Variants in CSE1L observed in about 807,000 individuals in gnomAD.
The protein encoded by CSE1L is chromosome segregation 1 like.
CSE1L carries 24 observed loss-of-function variants against 120.4 expected under a neutral mutation model. The observed-to-expected ratio is 0.20, with a 90% CI of 0.14 to 0.28. The LOEUF is 0.28. Among genes scored for constraint, CSE1L ranks in the 10% least tolerant of loss-of-function variants. The pLI, the probability that CSE1L is intolerant of heterozygous loss-of-function variation, is 1.00. For synonymous variants in CSE1L, 402 were observed against 398.3 expected, an observed-to-expected ratio of 1.01 and a Z score of -0.11; for missense variants, 830 against 1,145.2, an observed-to-expected ratio of 0.72 and a Z score of 3.97.
At position 49,085,301 on chromosome 20, in the gene CSE1L, C is replaced by T. The variant is rs368726403; in HGVS notation, c.1638C>T (p.Ile546=). ...NNATLFTAAE[I]APFVEILLTN... ...TCTATAGCTTTACAGCTGCAGAAATCGCACCGTTTGTTGAGATTCTGCTAA... is the reference window on the plus strand; with the variant it reads ...TCTATAGCTTTACAGCTGCAGAAATTGCACCGTTTGTTGAGATTCTGCTAA... Residue 546 remains isoleucine (I), a synonymous_variant, in exon 16 of 25, where the codon ATC becomes ATT. Coordinates refer to ENST00000262982, the MANE Select transcript of CSE1L (RefSeq NM_001316.4). 19 of 1,613,744 alleles carry T rather than the reference C, an allele frequency of 1.2e-5. No homozygotes were observed. The highest frequency in any genetic ancestry group is 3.3e-4 in the Middle Eastern group (2 of 6,062).
chr20:49,071,759 G>A (rs932793975), intron 8 of CSE1L, among the ~76,000 whole-genome samples: 1 of 151,890 alleles, frequency 6.6e-6, no homozygotes, highest in Non-Finnish European at 1.5e-5. Flanking sequence ...TTGGGAGGCC[G>A]AGGCCATCCT....
rs148173088 is a variant in CSE1L at position 49,086,184 on chromosome 20, C to G, written c.1723+798C>G. Among the ~76,000 whole-genome samples the G allele has an allele frequency of 1.2e-4, 19 of 152,200 alleles. No homozygotes were observed. In the East Asian group the frequency reaches 2.5e-3, roughly 20 times the overall value. On this transcript the variant is annotated intron_variant, in intron 16 of 24. Coordinates refer to ENST00000262982, the MANE Select transcript of CSE1L (RefSeq NM_001316.4). ...ATAGTCTCAGTGTTTTTCACTGTTG[C>G]ATCCCAAAAGCCTAGCACATTGGGT...
Position 49,066,207 on chromosome 20 carries a change from A to T in CSE1L, c.244A>T (p.Asn82Tyr), listed in dbSNP as rs201843660. 4 of 1,614,218 alleles carry T rather than the reference A, an allele frequency of 2.5e-6. No individual in the cohort carries two copies. Among genetic ancestry groups the T allele is most frequent in the Non-Finnish European group, 3.4e-6 (4 of 1,180,016 alleles). Residue 82 changes from asparagine (N) to tyrosine (Y), a missense_variant, in exon 4 of 25, where the codon AAC (asparagine) becomes TAC (tyrosine). Coordinates refer to ENST00000262982, the MANE Select transcript of CSE1L (RefSeq NM_001316.4). ...RNWRIVEDEP[N>Y]KICEADRVAI... ...TTGCTTTTAGGTTGAAGATGAACCA[A>T]ACAAAATTTGTGAAGCCGATCGAGT... is the stretch of plus-strand genomic sequence containing the variant.
chr20:49,062,610 A>G (rs1319045853), intron 2 of CSE1L, among the ~76,000 whole-genome samples: 1 of 152,206 alleles, frequency 6.6e-6, no homozygotes, highest in South Asian at 2.1e-4. Flanking sequence ...TAAAACTTTC[A>G]GTAGTGAAGC....
chr20:49,089,204 TG>T, intron 17 of CSE1L, 42 bp from the exon 18 acceptor site: 2 of 1,460,946 alleles, frequency 1.4e-6, no homozygotes, highest in African/African-American at 1.5e-5. Flanking sequence ...AAAGGTTAGG[TG>T]TGGATTATTA....
chr20:49,059,645 C>T (rs1303483679), intron 2 of CSE1L, among the ~76,000 whole-genome samples: 6 of 151,908 alleles, frequency 3.9e-5, no homozygotes, highest in East Asian at 1.9e-4. Flanking sequence ...TTTGGGAGGC[C>T]GAGGTGGGCA....
chr20:49,058,326 G>A (rs543115308), intron 1 of CSE1L, 127 bp from the exon 2 acceptor site: 2 of 530,958 alleles, frequency 3.8e-6, no homozygotes, highest in African/African-American at 3.8e-5. Context: ...CAGGTTTACT[G>A]CCCATATAAA....
chr20:49,048,129 TC>T (rs1295107349), intron 1 of CSE1L, among the ~76,000 whole-genome samples: 7 of 150,202 alleles, frequency 4.7e-5, no homozygotes, highest in Non-Finnish European at 1.0e-4. Context: ...TTGGCCTTTC[TC>T]TGTGTGTGTC....
chr20:49,096,472 T>G lies in CSE1L; in HGVS notation c.*34T>G. Reference sequence around the variant, plus strand: ...TTTCTAATGGGCTAAACCCAGATGGTTTCCTAGGAAATCACAGGCTTCTGA... The same window carrying G: ...TTTCTAATGGGCTAAACCCAGATGGGTTCCTAGGAAATCACAGGCTTCTGA... On this transcript the variant is annotated 3_prime_UTR_variant, in exon 25 of 25. Transcript: ENST00000262982. The G allele has an allele frequency of 6.6e-7, 1 of 1,515,190 alleles. No individual in the cohort carries two copies. Among genetic ancestry groups the G allele is most frequent in the Non-Finnish European group, 9.2e-7 (1 of 1,090,268 alleles). 93.9% of individuals were successfully genotyped at this position (1,515,190 alleles called of 1,614,324 possible).
In CSE1L at chr20:49,096,423, T is replaced by G. The variant is rs1270150960; in HGVS notation, c.2901T>G (p.Ser967Arg). Residue 967 changes from serine to arginine, a missense_variant, in exon 25 of 25, where the codon AGT becomes AGG. This residue lies in a region of CSE1L where 112 missense variants were observed against 200.0 expected (regional missense o/e 0.56). Transcript: ENST00000262982. The stretch of plus-strand genomic sequence containing the variant: ...TCCAAGGGTACCTTCAGGCAGCCAG[T>G]GTGACACTGCTTTAAACTGCATTTT... ...QYLQGYLQAA[S>R]VTLL The G allele has an allele frequency of 6.2e-7, 1 of 1,613,930 alleles. No individual in the cohort carries two copies. Among genetic ancestry groups the G allele is most frequent in the African/African-American group, 1.3e-5 (1 of 75,052 alleles).
chr20:49,046,820 C>G (rs1241620608), intron 1 of CSE1L, among the ~76,000 whole-genome samples: 4 of 152,258 alleles, frequency 2.6e-5, no homozygotes, highest in Non-Finnish European at 5.9e-5. Context: ...TTCTCTGCGA[C>G]GGTGGCTGCT....
chr20:49,085,898 T>A (rs2092052571), intron 16 of CSE1L, among the ~76,000 whole-genome samples: 1 of 152,112 alleles, frequency 6.6e-6, no homozygotes, highest in Non-Finnish European at 1.5e-5. Flanking sequence ...GAACTTCTCA[T>A]TACAGAAAAT....
At chr20:49,048,103 C>A (rs1349285622) in intron 1 of CSE1L, among the ~76,000 whole-genome samples, 4 of 151,802 alleles carry the variant, frequency 2.6e-5, no homozygotes, top group African/African-American at 9.7e-5. Context: ...CACCTTGGGC[C>A]CACATAGTCA....
intron 1 of CSE1L, among the ~76,000 whole-genome samples, chr20:49,055,377 C>T (rs897666388): frequency 6.6e-6 from 1 of 152,150 alleles, no homozygotes; most frequent in Non-Finnish European, 1.5e-5. Flanking sequence ...ATTACAGAAG[C>T]TCCTTCTAGG....
At chr20:49,077,100 C>A in intron 13 of CSE1L, 36 bp downstream of exon 13, 1 of 1,245,906 alleles carries the variant, frequency 8.0e-7, no homozygotes, top group Non-Finnish European at 1.1e-6. Flanking sequence ...TTACAGCTTG[C>A]CACACTATAC....
chr20:49,084,042 T>A lies in CSE1L; in HGVS notation c.1499T>A (p.Leu500His). Residue 500 changes from leucine (L) to histidine (H), a missense_variant, in exon 15 of 25, where the codon CTT becomes CAT. Transcript: ENST00000262982. ...GTTTTTTAGGTGCCAAAAGAACATCTTTTAGTCTCGATTCCTCTCTTGATT... is the reference window on the plus strand; with the variant it reads ...GTTTTTTAGGTGCCAAAAGAACATCATTTAGTCTCGATTCCTCTCTTGATT... Reference protein sequence around the residue: ...IFRNQVPKEHLLVSIPLLINH... With the variant: ...IFRNQVPKEHHLVSIPLLINH... 6.2e-7 allele frequency: 1 copy of A among 1,613,784 alleles called. No homozygotes were observed. The highest frequency in any genetic ancestry group is 8.5e-7 in the Non-Finnish European group (1 of 1,179,724).
rs11477256 is a variant in CSE1L at position 49,093,564 on chromosome 20, C to CTTT, written c.2448-562_2448-560dup. The stretch of plus-strand genomic sequence containing the variant: ...CTTTTTTCCCTCCTTGCTCCTCTCT[C>CTTT]TTTTTTTTTTTTTTTTCTTTTTTTT... On this transcript the variant is annotated intron_variant, in intron 22 of 24. Transcript: ENST00000262982. Among the ~76,000 whole-genome samples the CTTT allele has an allele frequency of 2.2e-4, 26 of 117,558 alleles. 1 individual carries two copies. The highest frequency in any genetic ancestry group is 2.8e-4 in the Admixed American group (3 of 10,722). The allele number at this position is 117,558 out of a possible 152,430, so 77.1% of individuals were successfully genotyped here.
intron 14 of CSE1L, among the ~76,000 whole-genome samples, chr20:49,080,333 C>T (rs1450179195): frequency 3.3e-5 from 5 of 150,336 alleles, no homozygotes; most frequent in Admixed American, 2.0e-4. Context: ...CCTGCCTCAG[C>T]GTCCCAAGTA....
At chr20:49,064,405 A>C (rs192718799) in intron 3 of CSE1L, among the ~76,000 whole-genome samples, 4 of 152,194 alleles carry the variant, frequency 2.6e-5, no homozygotes, top group African/African-American at 9.6e-5. Context: ...AAGTATCACC[A>C]TGAGTGGTAA....
Sources: allele counts gnomAD v4.1 joint callset (sites outside exome capture counted in the v4.1 genomes callset), GRCh38; gene constraint gnomAD v4.1.1; regional missense constraint gnomAD v4.1.1; transcripts MANE v1.5; gene names NCBI Gene and HGNC (gene_info 2026-07-23, HGNC 2026-07-21).